Variants in TMOD1 observed in about 807,000 individuals in gnomAD.
The protein encoded by TMOD1 is tropomodulin-1.
Under a neutral mutation model 40.6 loss-of-function variants are expected in TMOD1, and 17 were observed. The observed-to-expected ratio is 0.42, with a 90% CI of 0.29 to 0.63. TMOD1 has a LOEUF of 0.63. Among genes scored for constraint, TMOD1 ranks in the 20% least tolerant of loss-of-function variants. The probability of loss-of-function intolerance (pLI) is 0.22; values close to 1 mark genes in which losing one functional copy is unlikely to be tolerated. For missense variants in TMOD1, 391 were observed against 447.6 expected (o/e 0.87, Z 1.14); for synonymous variants, 181 against 175.0 (o/e 1.03, Z -0.27).
In TMOD1 at chr9:97,513,010, C is replaced by G. The variant is rs1480788236; in HGVS notation, c.-48-11131C>G. ...AAAGAGTGTGGCCCAGAGTTGAGCT[C>G]CAGCATAAAACCAAGCAAGACTGTC... On this transcript the variant is annotated intron_variant, in intron 1 of 9. Transcript: ENST00000259365. The surrounding 1 kb of genome is among the most constrained non-coding windows in gnomAD (Gnocchi z 4.1). 1.3e-5 allele frequency: 2 copies of G among 152,178 alleles called. No homozygotes were observed. The highest frequency in any genetic ancestry group is 2.9e-5 in the Non-Finnish European group (2 of 68,044). 9.4% of individuals were successfully genotyped at this position (152,178 alleles called of 1,614,324 possible).
chr9:97,597,659 C>T (rs1826141240), intron 9 of TMOD1, among the ~76,000 whole-genome samples: 1 of 140,668 alleles, frequency 7.1e-6, no homozygotes, highest in Admixed American at 7.6e-5. Flanking sequence ...GATCGGGCCA[C>T]TGCACTCCAG....
Position 97,600,156 on chromosome 9 carries a change from T to TATTA in TMOD1, c.*460_*463dup. ...GCAAATAAAACTGATTATCATTCTTTATTAACCCTCCTTGGAATTTTGAAA... is the reference window on the plus strand; with the variant it reads ...GCAAATAAAACTGATTATCATTCTTTATTAATTAACCCTCCTTGGAATTTTGAAA... On this transcript the variant is annotated 3_prime_UTR_variant, in exon 10 of 10. Transcript: ENST00000259365. 2.0e-6 allele frequency: 2 copies of TATTA among 999,358 alleles called. No individual in the cohort carries two copies. The highest frequency in any genetic ancestry group is 1.7e-5 in the African/African-American group (1 of 57,732). The allele number at this position is 999,358 out of a possible 1,614,324, so 61.9% of individuals were successfully genotyped here.
intron 1 of TMOD1, among the ~76,000 whole-genome samples, chr9:97,511,265 A>G (rs1396003438): frequency 1.3e-5 from 2 of 152,198 alleles, no homozygotes; most frequent in African/African-American, 2.4e-5. Context: ...GTACTTTCCC[A>G]TATGACTAAG....
At chr9:97,580,680 C>G (rs908103302) in intron 8 of TMOD1, among the ~76,000 whole-genome samples, 2 of 152,200 alleles carry the variant, frequency 1.3e-5, no homozygotes, top group South Asian at 2.1e-4. Context: ...CCCTTGTACT[C>G]TATGCAGTTT....
At chr9:97,533,665 T>G (rs1830136413) in intron 2 of TMOD1, among the ~76,000 whole-genome samples, 1 of 152,200 alleles carries the variant, frequency 6.6e-6, no homozygotes, top group Admixed American at 6.5e-5. Context: ...GTTTAAACCT[T>G]TATTCTGAGG....
intron 4 of TMOD1, among the ~76,000 whole-genome samples, chr9:97,558,408 G>T (rs564525464): frequency 6.6e-6 from 1 of 151,684 alleles, no homozygotes; most frequent in African/African-American, 2.4e-5. Context: ...GGGGTGGGGG[G>T]TCTACCACAG....
chr9:97,583,537 C>T (rs1211059412), intron 8 of TMOD1, among the ~76,000 whole-genome samples: 17 of 149,386 alleles, frequency 1.1e-4, no homozygotes, highest in African/African-American at 2.2e-4. Context: ...GGGAGGATTC[C>T]GTCTTTTTCT....
rs143893955 is a variant in TMOD1, at chr9:97,601,508, G to A, written c.*1810G>A. 2.4e-4 allele frequency: 239 copies of A among 989,156 alleles called. 3 individuals carry two copies. The South Asian group carries it at 8.2e-3, about 34-fold the overall frequency. 61.3% of individuals were successfully genotyped at this position (989,156 alleles called of 1,614,324 possible). ...ATCAGAGGAAATCTCTCATAGAAAC[G>A]AAACCAAACCAACAGAAAATGAAGA... On this transcript the variant is annotated 3_prime_UTR_variant, in exon 10 of 10. Transcript: ENST00000259365.
intron 1 of TMOD1, among the ~76,000 whole-genome samples, chr9:97,518,464 C>G (rs1314989529): frequency 6.6e-6 from 1 of 152,234 alleles, no homozygotes; most frequent in Non-Finnish European, 1.5e-5. Context: ...GGGGCTTTGA[C>G]GGGGGCATCC....
rs868551198 is a variant in TMOD1, at chr9:97,551,875, A to G, written c.278-1406A>G. On this transcript the variant is annotated intron_variant, in intron 3 of 9. Transcript: ENST00000259365. ...TAATTTCCTTCAGTAATGTTTTATA[A>G]TTTTCATTGTACAAGTCTTTCACCC... Among the ~76,000 whole-genome samples, 35 of 152,184 alleles carry G rather than the reference A, an allele frequency of 2.3e-4. 1 individual carries two copies. The Middle Eastern group carries it at 0.014, about 59-fold the overall frequency.
At chr9:97,572,730 G>A (rs1411490848) in intron 8 of TMOD1, among the ~76,000 whole-genome samples, 2 of 152,322 alleles carry the variant, frequency 1.3e-5, no homozygotes, top group African/African-American at 2.4e-5. Context: ...CTTATAACCT[G>A]TGGCAGCAAG....
At chr9:97,554,438 T>G (rs776402922) in intron 4 of TMOD1, among the ~76,000 whole-genome samples, 1 of 151,946 alleles carries the variant, frequency 6.6e-6, no homozygotes, top group Non-Finnish European at 1.5e-5. Flanking sequence ...GTATAGGAAG[T>G]TCTGGAGTGC....
chr9:97,534,708 A>G (rs1212672596), intron 2 of TMOD1, among the ~76,000 whole-genome samples: 1 of 152,258 alleles, frequency 6.6e-6, no homozygotes, highest in African/African-American at 2.4e-5. Flanking sequence ...GATATATCCC[A>G]GCTGGCCCTT....
Position 97,601,059 on chromosome 9 carries a change from C to T in TMOD1, c.*1361C>T. 7.7e-7 allele frequency: 1 copy of T among 1,304,062 alleles called. No individual in the cohort carries two copies. The highest frequency in any genetic ancestry group is 1.0e-6 in the Non-Finnish European group (1 of 988,842). 80.8% of individuals were successfully genotyped at this position (1,304,062 alleles called of 1,614,324 possible). On this transcript the variant is annotated 3_prime_UTR_variant, in exon 10 of 10. Transcript: ENST00000259365. ...GCGCACTGAACTGTAAGGCAGTGGGCAGTACAGGGTAACTGGAGGCGGGGC... is the reference window on the plus strand; with the variant it reads ...GCGCACTGAACTGTAAGGCAGTGGGTAGTACAGGGTAACTGGAGGCGGGGC...
At chr9:97,525,271 A>G (rs907897738) in intron 2 of TMOD1, among the ~76,000 whole-genome samples, 1 of 152,246 alleles carries the variant, frequency 6.6e-6, no homozygotes, top group African/African-American at 2.4e-5. Context: ...TATTATACAA[A>G]GCCAATACAC....
intron 1 of TMOD1, among the ~76,000 whole-genome samples, chr9:97,505,318 G>A (rs996557222): frequency 1.3e-5 from 2 of 152,150 alleles, no homozygotes; most frequent in Non-Finnish European, 2.9e-5. Context: ...AAGGGCTTGC[G>A]TCCGTCCACG....
chr9:97,577,116 C>A (rs1342355582), intron 8 of TMOD1, among the ~76,000 whole-genome samples: 1 of 149,130 alleles, frequency 6.7e-6, no homozygotes, highest in Non-Finnish European at 1.5e-5. Flanking sequence ...AGTTCTTTCC[C>A]AACCATCCTG....
At chr9:97,562,857 C>T (rs768185602) in intron 5 of TMOD1, 36 bp downstream of exon 5, 1 of 1,520,052 alleles carries the variant, frequency 6.6e-7, no homozygotes, top group Non-Finnish European at 8.9e-7. Flanking sequence ...GGACCTCATG[C>T]TTCTTGCTTC....
At chr9:97,537,246 A>G (rs1468739062) in intron 2 of TMOD1, among the ~76,000 whole-genome samples, 1 of 152,140 alleles carries the variant, frequency 6.6e-6, no homozygotes, top group African/African-American at 2.4e-5. Context: ...GTGTGTGTTC[A>G]TGCATGTGTG....
Sources: allele counts gnomAD v4.1 joint callset (sites outside exome capture counted in the v4.1 genomes callset), GRCh38; gene constraint gnomAD v4.1.1; non-coding constraint Gnocchi (gnomAD v3.1); transcripts MANE v1.5; gene names NCBI Gene and HGNC (gene_info 2026-07-23, HGNC 2026-07-21).